ADD3: variants seen among roughly 807,000 people sequenced by gnomAD.
The protein encoded by ADD3 is gamma-adducin.
A neutral mutation model predicts 80.2 loss-of-function variants in ADD3; 25 were observed. The ratio of observed to expected loss-of-function variants is 0.31; its 90% CI spans 0.23 to 0.44. ADD3 has a LOEUF of 0.44. Ranked by LOEUF, ADD3 falls within the 20% of genes least tolerant of loss-of-function variation. The pLI is 1.00. For missense variants in ADD3, 829 were observed against 847.5 expected (o/e 0.98, Z 0.27); for synonymous variants, 284 against 289.6 (o/e 0.98, Z 0.20).
chr10:110,073,133 G>GTTTTTTTTTTTTTTTTTTTTTTT (rs1443878675), intron 1 of ADD3, among the ~76,000 whole-genome samples: 3 of 106,488 alleles, frequency 2.8e-5, no homozygotes, highest in Non-Finnish European at 1.9e-5. Flanking sequence ...TTGAGTTTTA[G>GTTTTTTTTTTTTTTTTTTTTTTT]TTTTCTTTTT....
At position 110,135,021 on chromosome 10, in the gene ADD3, A is replaced by G. The variant is rs1207780898; in HGVS notation, c.*1403A>G. 2 of 152,252 alleles carry G rather than the reference A, an allele frequency of 1.3e-5. No individual in the cohort carries two copies. The highest frequency in any genetic ancestry group is 2.4e-5 in the African/African-American group (1 of 41,472). The allele number at this position is 152,252 out of a possible 1,614,324, so 9.4% of individuals were successfully genotyped here. A position where few individuals can be genotyped will look rare whatever the true frequency, so the allele number is the denominator to read the frequency against. On this transcript the variant is annotated 3_prime_UTR_variant, in exon 15 of 15. Coordinates refer to ENST00000356080, the MANE Select transcript of ADD3 (RefSeq NM_016824.5). ...GATGTCACAGTTCGATGCAAAATCA[A>G]TGATCCAGAATGATCGTGGGTAAAA...
In ADD3 at chr10:110,085,231, T is replaced by C. The variant is rs1013128810; in HGVS notation, c.-29-15394T>C. Among the ~76,000 whole-genome samples the C allele has an allele frequency of 3.3e-5, 5 of 152,244 alleles. No individual in the cohort carries two copies. In the South Asian group the frequency reaches 1.0e-3, roughly 31 times the overall value. Reference sequence around the variant, plus strand: ...GACCTCTTTAAATGCACCCACAAGCTTGCATGGCAGTTAATGTCCAACACA... The same window carrying C: ...GACCTCTTTAAATGCACCCACAAGCCTGCATGGCAGTTAATGTCCAACACA... On this transcript the variant is annotated intron_variant, in intron 1 of 14. Coordinates refer to ENST00000356080, the MANE Select transcript of ADD3 (RefSeq NM_016824.5).
chr10:110,011,303 C>T (rs1009137813), intron 1 of ADD3, among the ~76,000 whole-genome samples: 8 of 152,208 alleles, frequency 5.3e-5, no homozygotes, highest in African/African-American at 1.9e-4. Context: ...AAAGATGTAA[C>T]TTGTGGCTTA....
At chr10:110,035,718 T>A (rs1161560843) in intron 1 of ADD3, among the ~76,000 whole-genome samples, 1 of 152,196 alleles carries the variant, frequency 6.6e-6, no homozygotes, top group Admixed American at 6.5e-5. Flanking sequence ...ATTCTTTAAG[T>A]CTGAAGTAAG....
At chr10:110,093,054 T>C (rs1408746326) in intron 1 of ADD3, among the ~76,000 whole-genome samples, 1 of 152,200 alleles carries the variant, frequency 6.6e-6, no homozygotes, top group African/African-American at 2.4e-5. Context: ...AGATGGGGTT[T>C]CACCATATTT....
intron 1 of ADD3, among the ~76,000 whole-genome samples, chr10:110,036,956 G>A (rs1855740823): frequency 6.6e-6 from 1 of 152,102 alleles, no homozygotes; most frequent in African/African-American, 2.4e-5. Context: ...CCTGGGACAC[G>A]GTTAACTAGA....
At position 110,133,307 on chromosome 10, in the gene ADD3, A is replaced by T; in HGVS notation, c.1829-19A>T. The T allele has an allele frequency of 6.4e-7, 1 of 1,556,982 alleles. No homozygotes were observed. Among genetic ancestry groups the T allele is most frequent in the Non-Finnish European group, 8.7e-7 (1 of 1,147,688 alleles). ...TTAAGTATGTAAAATAACCCCCAAA[A>T]AACCCTCCCCTTTCGTAGAAAACCA... On this transcript the variant is annotated intron_variant, in intron 14 of 14. Transcript: ENST00000356080.
At chr10:110,078,556 C>A (rs994500082) in intron 1 of ADD3, among the ~76,000 whole-genome samples, 13 of 152,156 alleles carry the variant, frequency 8.5e-5, no homozygotes, top group African/African-American at 2.7e-4. Context: ...ATTAGGCCAA[C>A]CTCCTGCCAC....
At chr10:110,056,725 C>G (rs1385275642) in intron 1 of ADD3, among the ~76,000 whole-genome samples, 1 of 152,130 alleles carries the variant, frequency 6.6e-6, no homozygotes, top group Non-Finnish European at 1.5e-5. Context: ...TGAATAGATT[C>G]CTCAAAGTAT....
At chr10:110,014,235 C>T (rs1852663943) in intron 1 of ADD3, among the ~76,000 whole-genome samples, 1 of 152,182 alleles carries the variant, frequency 6.6e-6, no homozygotes, top group African/African-American at 2.4e-5. Context: ...TGCATCGTGA[C>T]TTCTGTTCTC....
intron 2 of ADD3, 148 bp downstream of exon 2, chr10:110,100,996 G>C (rs554589265): frequency 1.6e-6 from 1 of 637,208 alleles, no homozygotes; most frequent in African/African-American, 1.9e-5. Flanking sequence ...AAGGAGAAAT[G>C]GACATCTAAT....
Position 110,135,392 on chromosome 10 carries a change from A to G in ADD3, c.*1774A>G, listed in dbSNP as rs549088621. 12 of 152,670 alleles carry G rather than the reference A, an allele frequency of 7.9e-5. No homozygotes were observed. In the South Asian group the frequency reaches 1.2e-3, roughly 16 times the overall value. 9.5% of individuals were successfully genotyped at this position (152,670 alleles called of 1,614,324 possible). A position where few individuals can be genotyped will look rare whatever the true frequency, so the allele number is the denominator to read the frequency against. ...CAATGTGCATAAATATTTTTTAAAC[A>G]TAACAGTGAACTATTGCACCTTTTG... is the stretch of plus-strand genomic sequence containing the variant. On this transcript the variant is annotated 3_prime_UTR_variant, in exon 15 of 15. Coordinates refer to ENST00000356080, the MANE Select transcript of ADD3 (RefSeq NM_016824.5).
chr10:110,115,502 A>G (rs1185558840), intron 3 of ADD3, among the ~76,000 whole-genome samples: 1 of 152,228 alleles, frequency 6.6e-6, no homozygotes, highest in African/African-American at 2.4e-5. Flanking sequence ...TCAAGAGTCT[A>G]TAATGTTTTT....
At chr10:110,074,558 T>C (rs1199681709) in intron 1 of ADD3, among the ~76,000 whole-genome samples, 1 of 151,226 alleles carries the variant, frequency 6.6e-6, no homozygotes, top group Non-Finnish European at 1.5e-5. Context: ...AATTCAGTCA[T>C]GGGGCTACCT....
intron 5 of ADD3, 52 bp downstream of exon 5, chr10:110,117,474 T>A: frequency 1.8e-6 from 2 of 1,106,316 alleles, no homozygotes; most frequent in Non-Finnish European, 2.8e-6. Flanking sequence ...TTGGCTTTTC[T>A]GACAGTTCTT....
chr10:110,054,105 A>C (rs1857844599), intron 1 of ADD3, among the ~76,000 whole-genome samples: 2 of 152,200 alleles, frequency 1.3e-5, no homozygotes, highest in Non-Finnish European at 2.9e-5. Context: ...GCGATATAAT[A>C]GATTTTTAAA....
intron 1 of ADD3, among the ~76,000 whole-genome samples, chr10:110,088,777 T>G (rs776242604): frequency 1.3e-5 from 2 of 152,192 alleles, no homozygotes; most frequent in African/African-American, 2.4e-5. Context: ...TTCCTCCAAT[T>G]TTTAAAATAA....
At chr10:110,089,314 A>G (rs1847188293) in intron 1 of ADD3, among the ~76,000 whole-genome samples, 1 of 152,226 alleles carries the variant, frequency 6.6e-6, no homozygotes, top group Non-Finnish European at 1.5e-5. Flanking sequence ...CCTCTCATTT[A>G]TCATGAGCTG....
chr10:110,029,952 G>A (rs1854794182), intron 1 of ADD3, among the ~76,000 whole-genome samples: 1 of 152,110 alleles, frequency 6.6e-6, no homozygotes, highest in African/African-American at 2.4e-5. Flanking sequence ...CTCTTAAGGA[G>A]TCTTATTTAT....
Sources: gnomAD v4.1 joint callset for allele counts (sites outside exome capture counted in the v4.1 genomes callset) on GRCh38, gnomAD v4.1.1 for gene constraint, MANE v1.5 for transcripts, NCBI Gene and HGNC (gene_info 2026-07-23, HGNC 2026-07-21) for gene names.